Variants in NKAIN3 observed in about 807,000 individuals in gnomAD.
NKAIN3 encodes the protein sodium/potassium transporting ATPase interacting 3, also known as sodium/potassium-transporting ATPase subunit beta-1-interacting protein 3.
A neutral mutation model predicts 30.2 loss-of-function variants in NKAIN3; 25 were observed. The ratio of observed to expected loss-of-function variants is 0.83; its 90% CI spans 0.60 to 1.16. NKAIN3 has a LOEUF of 1.16. NKAIN3 is among the 50% of genes most tolerant of loss of function. NKAIN3 has a pLI of 0.00. For missense variants in NKAIN3, 225 were observed against 254.1 expected, an observed-to-expected ratio of 0.89 and a Z score of 0.78; for synonymous variants, 91 against 89.6, an observed-to-expected ratio of 1.02 and a Z score of -0.09.
At chr8:62,854,909 T>C (rs912029068) in intron 4 of NKAIN3, among the ~76,000 whole-genome samples, 8 of 152,316 alleles carry the variant, frequency 5.3e-5, no homozygotes, top group African/African-American at 1.7e-4. Context: ...CCACTGACAT[T>C]ATTAGGCAGT....
At chr8:62,710,250 G>A (rs968047380) in intron 3 of NKAIN3, among the ~76,000 whole-genome samples, 1 of 152,058 alleles carries the variant, frequency 6.6e-6, no homozygotes, top group African/African-American at 2.4e-5. Flanking sequence ...TTGTTCCAAG[G>A]TGTAGTTTAA....
At chr8:62,996,871 A>G (rs1804128317) in intron 5 of NKAIN3, among the ~76,000 whole-genome samples, 1 of 152,178 alleles carries the variant, frequency 6.6e-6, no homozygotes, top group East Asian at 1.9e-4. Context: ...GGCCTTGGGC[A>G]GCTCCTCCTC....
chr8:62,887,603 T>A (rs1041040514), intron 4 of NKAIN3, among the ~76,000 whole-genome samples: 4 of 152,212 alleles, frequency 2.6e-5, no homozygotes, highest in Non-Finnish European at 5.9e-5. Context: ...TTTTTCATTT[T>A]GAAGGTTTCT....
chr8:62,756,778 C>T (rs1816464592), intron 4 of NKAIN3, among the ~76,000 whole-genome samples: 1 of 152,164 alleles, frequency 6.6e-6, no homozygotes, highest in African/African-American at 2.4e-5. Context: ...TAACACTCTC[C>T]ATAACAGTAT....
chr8:62,951,304 A>G (rs577129958), intron 5 of NKAIN3, among the ~76,000 whole-genome samples: 61 of 152,324 alleles, frequency 4.0e-4, no homozygotes, highest in Middle Eastern at 3.4e-3. Flanking sequence ...GAGTTAAAAT[A>G]ATGATATCAG....
chr8:62,874,505 C>T (rs1228581924), intron 4 of NKAIN3, among the ~76,000 whole-genome samples: 11 of 152,048 alleles, frequency 7.2e-5, no homozygotes, highest in East Asian at 1.9e-4. Flanking sequence ...AGGGAAGAGA[C>T]GCAACAAAAA....
intron 1 of NKAIN3, among the ~76,000 whole-genome samples, chr8:62,363,907 A>G (rs1053888473): frequency 6.6e-6 from 1 of 152,206 alleles, no homozygotes; most frequent in Non-Finnish European, 1.5e-5. Context: ...TAATAGAAAG[A>G]TGTTTAATCA....
At chr8:62,911,757 C>A (rs192823804) in intron 4 of NKAIN3, among the ~76,000 whole-genome samples, 2 of 152,020 alleles carry the variant, frequency 1.3e-5, no homozygotes, top group African/African-American at 4.8e-5. Flanking sequence ...GAAGTAAGTT[C>A]TCCAAAGTAA....
At chr8:62,288,487 T>C (rs1021576939) in intron 1 of NKAIN3, among the ~76,000 whole-genome samples, 6 of 152,104 alleles carry the variant, frequency 3.9e-5, no homozygotes, top group Non-Finnish European at 7.4e-5. Flanking sequence ...TGAGAACACG[T>C]GGTGTTTGGT....
At chr8:62,281,418 CT>C (rs568287943) in intron 1 of NKAIN3, among the ~76,000 whole-genome samples, 5 of 152,096 alleles carry the variant, frequency 3.3e-5, no homozygotes, top group Non-Finnish European at 7.4e-5. Flanking sequence ...CTTCTGCTAA[CT>C]TTTGAATGTG....
At chr8:62,770,296 A>T (rs1816971983) in intron 4 of NKAIN3, among the ~76,000 whole-genome samples, 1 of 152,208 alleles carries the variant, frequency 6.6e-6, no homozygotes, top group African/African-American at 2.4e-5. Flanking sequence ...CATAACCCCC[A>T]CACAGGTGCA....
chr8:62,389,625 G>A (rs1269424362), intron 1 of NKAIN3, among the ~76,000 whole-genome samples: 1 of 152,180 alleles, frequency 6.6e-6, no homozygotes, highest in East Asian at 1.9e-4. Flanking sequence ...AGGGAAAACT[G>A]AGTAAGTTTG....
chr8:62,878,152 G>A (rs749205362), intron 4 of NKAIN3, among the ~76,000 whole-genome samples: 1 of 151,946 alleles, frequency 6.6e-6, no homozygotes, highest in Non-Finnish European at 1.5e-5. Flanking sequence ...TTTTCTTCAG[G>A]TGTTTTAGAA....
intron 1 of NKAIN3, among the ~76,000 whole-genome samples, chr8:62,426,094 T>C (rs1161197627): frequency 6.6e-6 from 1 of 151,960 alleles, no homozygotes; most frequent in African/African-American, 2.4e-5. Context: ...ATCAAGTGCA[T>C]TTTGGTGAGA....
At chr8:62,552,442 A>G (rs1298280094) in intron 1 of NKAIN3, among the ~76,000 whole-genome samples, 1 of 152,196 alleles carries the variant, frequency 6.6e-6, no homozygotes, top group African/African-American at 2.4e-5. Context: ...AGAAAGTCCA[A>G]TCTCAATGAA....
intron 1 of NKAIN3, among the ~76,000 whole-genome samples, chr8:62,451,073 T>C (rs886614320): frequency 1.3e-5 from 2 of 152,174 alleles, no homozygotes; most frequent in Non-Finnish European, 2.9e-5. Flanking sequence ...AATTATCTTT[T>C]TTATTATATC....
intron 4 of NKAIN3, among the ~76,000 whole-genome samples, chr8:62,848,482 G>T (rs928880576): frequency 6.6e-6 from 1 of 152,040 alleles, no homozygotes; most frequent in African/African-American, 2.4e-5. Flanking sequence ...ACTGTTGTTG[G>T]TGTATAGGAA....
At chr8:62,962,632 T>C (rs1014049054) in intron 6 of NKAIN3, among the ~76,000 whole-genome samples, 4 of 152,164 alleles carry the variant, frequency 2.6e-5, no homozygotes, top group Non-Finnish European at 4.4e-5. Context: ...AGTAACACCA[T>C]TCCCTACCAA....
intron 3 of NKAIN3, among the ~76,000 whole-genome samples, chr8:62,658,782 A>T (rs1448811725): frequency 6.6e-6 from 1 of 152,178 alleles, no homozygotes; most frequent in East Asian, 1.9e-4. Flanking sequence ...CAGAAAGTAA[A>T]GTATTACTCC....
Sources: gnomAD v4.1 joint callset for allele counts (sites outside exome capture counted in the v4.1 genomes callset) on GRCh38, gnomAD v4.1.1 for gene constraint, MANE v1.5 for transcripts, NCBI Gene and HGNC (gene_info 2026-07-23, HGNC 2026-07-21) for gene names.